The following ARMC8 variants were observed in gnomAD, a reference collection of about 807,000 sequenced individuals.
The protein encoded by ARMC8 is armadillo repeat-containing protein 8.
ARMC8 carries 20 observed loss-of-function variants against 99.3 expected under a neutral mutation model. The observed-to-expected ratio is 0.20, with a 90% CI of 0.14 to 0.29. The LOEUF (loss-of-function observed/expected upper bound fraction) is 0.29, where lower values mean the gene tolerates loss of function less well. Ranked by LOEUF, ARMC8 falls within the 10% of genes least tolerant of loss-of-function variation. ARMC8 has a pLI of 1.00. For synonymous variants in ARMC8, 263 were observed against 278.3 expected (o/e 0.95, Z 0.55); for missense variants, 569 against 809.5 (o/e 0.70, Z 3.60).
intron 14 of ARMC8, among the ~76,000 whole-genome samples, chr3:138,266,006 T>G (rs977369441): frequency 6.6e-6 from 1 of 152,150 alleles, no homozygotes; most frequent in Non-Finnish European, 1.5e-5. Context: ...CACCAAGAGT[T>G]TTCTATTTTC....
chr3:138,237,629 T>G, intron 9 of ARMC8, 57 bp downstream of exon 9: 1 of 1,452,834 alleles, frequency 6.9e-7, no homozygotes, highest in Non-Finnish European at 9.4e-7. Context: ...TCTTAGAGTA[T>G]TTTTGGACAA....
intron 6 of ARMC8, among the ~76,000 whole-genome samples, chr3:138,229,363 G>A (rs1304808036): frequency 7.0e-6 from 1 of 143,316 alleles, no homozygotes; most frequent in Non-Finnish European, 1.5e-5. Flanking sequence ...ACAGTGCATA[G>A]TATTTTAGTG....
intron 5 of ARMC8, 44 bp from the exon 6 acceptor site, chr3:138,228,874 C>A: frequency 8.6e-7 from 1 of 1,159,790 alleles, no homozygotes; most frequent in Non-Finnish European, 1.3e-6. Context: ...ATCAAATGTA[C>A]TCATGGTGCC....
chr3:138,287,706 C>G (rs1328090756), intron 19 of ARMC8: 3 of 456,536 alleles, frequency 6.6e-6, no homozygotes, highest in Admixed American at 4.7e-5. Context: ...TAGAATTCTA[C>G]TGGAGGAAGC....
At chr3:138,195,572 T>C (rs1302311480) in intron 1 of ARMC8, among the ~76,000 whole-genome samples, 1 of 152,202 alleles carries the variant, frequency 6.6e-6, no homozygotes, top group Non-Finnish European at 1.5e-5. Flanking sequence ...TTTAAAATAC[T>C]TACTGTCAGC....
chr3:138,242,038 T>TA, intron 11 of ARMC8, 55 bp downstream of exon 11: 6 of 1,488,908 alleles, frequency 4.0e-6, no homozygotes, highest in Non-Finnish European at 2.8e-6. Flanking sequence ...AAGTTTTTCT[T>TA]ACTGTTCACA....
intron 5 of ARMC8, among the ~76,000 whole-genome samples, chr3:138,227,810 T>A (rs569804176): frequency 6.6e-6 from 1 of 152,288 alleles, no homozygotes; most frequent in East Asian, 1.9e-4. Context: ...AGTATCAGAG[T>A]CTGTACATTA....
chr3:138,251,833 C>G (rs916663488), intron 12 of ARMC8, among the ~76,000 whole-genome samples: 1 of 151,882 alleles, frequency 6.6e-6, no homozygotes, highest in Non-Finnish European at 1.5e-5. Context: ...TTGCTTAAGC[C>G]ATTGAAAGTA....
At chr3:138,261,661 A>T (rs1197908990) in intron 12 of ARMC8, 1 of 152,242 alleles carries the variant, frequency 6.6e-6, no homozygotes, top group Non-Finnish European at 1.5e-5. Flanking sequence ...TAGCTTCAAG[A>T]GGTTAAAGTT....
At chr3:138,284,617 A>G (rs2050230228) in intron 19 of ARMC8, 91 bp downstream of exon 19, 3 of 989,174 alleles carry the variant, frequency 3.0e-6, no homozygotes, top group Non-Finnish European at 3.1e-6. Context: ...TTTTAAAAAG[A>G]GGAAAAGAAT....
intron 2 of ARMC8, among the ~76,000 whole-genome samples, chr3:138,220,359 A>G (rs986766857): frequency 6.6e-6 from 1 of 152,314 alleles, no homozygotes; most frequent in African/African-American, 2.4e-5. Context: ...AAAAATTGCT[A>G]CTTATTTCTT....
intron 2 of ARMC8, among the ~76,000 whole-genome samples, chr3:138,210,961 C>T (rs184259187): frequency 1.4e-3 from 213 of 151,968 alleles, no homozygotes; most frequent in Non-Finnish European, 2.4e-3. Context: ...CTTATTTTCA[C>T]GGCTTCTCAG....
chr3:138,240,938 T>C (rs1209695181), intron 10 of ARMC8, among the ~76,000 whole-genome samples: 3 of 152,134 alleles, frequency 2.0e-5, no homozygotes, highest in Non-Finnish European at 4.4e-5. Context: ...TAATTCCAGC[T>C]ACTCAGAAGG....
intron 18 of ARMC8, among the ~76,000 whole-genome samples, chr3:138,283,685 G>A (rs1441480497): frequency 1.3e-5 from 2 of 152,102 alleles, no homozygotes; most frequent in Non-Finnish European, 2.9e-5. Flanking sequence ...CCTCCTGCTG[G>A]TCTGGCTTTG....
chr3:138,263,999 GGTC>G, intron 13 of ARMC8, 129 bp from the exon 14 acceptor site: 1 of 952,460 alleles, frequency 1.0e-6, no homozygotes, highest in Non-Finnish European at 1.6e-6. Flanking sequence ...CCCATAAAGT[GGTC>G]TGATGTAGTT....
chr3:138,283,049 C>G lies in ARMC8; in HGVS notation c.1726-1382C>G, dbSNP rs2050090586. Reference sequence around the variant, plus strand: ...CACATAAAGCCCTCCTCAACATGATCTAACTGCCCTGGAATAAATAGTTCC... The same window carrying G: ...CACATAAAGCCCTCCTCAACATGATGTAACTGCCCTGGAATAAATAGTTCC... On this transcript the variant is annotated intron_variant, in intron 18 of 21. Coordinates refer to ENST00000469044, the MANE Select transcript of ARMC8 (RefSeq NM_001363941.2). Among the ~76,000 whole-genome samples the G allele has an allele frequency of 2.6e-5, 4 of 152,214 alleles. 1 individual carries two copies. The South Asian group carries it at 8.3e-4, about 32-fold the overall frequency.
At chr3:138,242,047 C>A in intron 11 of ARMC8, 64 bp downstream of exon 11, 1 of 1,366,792 alleles carries the variant, frequency 7.3e-7, no homozygotes. Flanking sequence ...TTACTGTTCA[C>A]AGTTTTGAAC....
chr3:138,274,772 C>T (rs968454893), intron 18 of ARMC8, among the ~76,000 whole-genome samples: 3 of 152,184 alleles, frequency 2.0e-5, no homozygotes, highest in Non-Finnish European at 4.4e-5. Flanking sequence ...CTGTGTCATG[C>T]ACTGTGCACA....
intron 12 of ARMC8, chr3:138,262,185 G>T: frequency 5.5e-6 from 1 of 182,106 alleles, no homozygotes; most frequent in African/African-American, 2.4e-5. Flanking sequence ...TCCATGCCAG[G>T]GGGAAAAGAT....
Sources: gnomAD v4.1 joint callset for allele counts (sites outside exome capture counted in the v4.1 genomes callset) on GRCh38, gnomAD v4.1.1 for gene constraint, MANE v1.5 for transcripts, NCBI Gene and HGNC (gene_info 2026-07-23, HGNC 2026-07-21) for gene names.